Variants in IGBP1C observed in about 807,000 individuals in gnomAD.
IGBP1C encodes the protein IGBP1 family member C.
At chr17:58,673,749 T>C in the IGBP1C span, among the ~76,000 whole-genome samples, 1 of 151,770 alleles carries the variant, frequency 6.6e-6, no homozygotes. Context: ...CTTTTTTTTG[T>C]TTTTCTACAG....
At chr17:58,690,323 T>C in the IGBP1C span, among the ~76,000 whole-genome samples, 2 of 152,154 alleles carry the variant, frequency 1.3e-5, no homozygotes, top group South Asian at 2.1e-4. Flanking sequence ...TGTACCACCA[T>C]GCTGGCTAAT....
chr17:58,671,741 T>C, the IGBP1C span, among the ~76,000 whole-genome samples: 3 of 152,176 alleles, frequency 2.0e-5, no homozygotes, highest in East Asian at 5.8e-4. Context: ...TTTTAAAAAC[T>C]CGTTTTCTTG....
the IGBP1C span, chr17:58,666,400 A>C: frequency 1.4e-5 from 2 of 143,026 alleles, no homozygotes; most frequent in African/African-American, 5.1e-5. Context: ...TGAGCGCATG[A>C]ATTCGGATGC....
the IGBP1C span, among the ~76,000 whole-genome samples, chr17:58,670,679 A>T: frequency 6.8e-6 from 1 of 146,678 alleles, no homozygotes; most frequent in Admixed American, 7.0e-5. Context: ...AGGCTGAGGC[A>T]GGATAATTGC....
chr17:58,689,353 T>C, the IGBP1C span, among the ~76,000 whole-genome samples: 122 of 152,126 alleles, frequency 8.0e-4, no homozygotes, highest in Non-Finnish European at 1.1e-3. Context: ...CCTAAGTAGC[T>C]GGGACTATAG....
At chr17:58,687,353 AC>A in the IGBP1C span, among the ~76,000 whole-genome samples, 1 of 151,994 alleles carries the variant, frequency 6.6e-6, no homozygotes, top group African/African-American at 2.4e-5. Flanking sequence ...GAGGCAAGGT[AC>A]CCCCTGACCC....
the IGBP1C span, among the ~76,000 whole-genome samples, chr17:58,684,370 G>A: frequency 1.3e-5 from 2 of 151,600 alleles, no homozygotes; most frequent in Non-Finnish European, 2.9e-5. Flanking sequence ...GCTGATACAG[G>A]AGAATCGCTT....
chr17:58,680,021 G>A, the IGBP1C span, among the ~76,000 whole-genome samples: 4 of 152,046 alleles, frequency 2.6e-5, no homozygotes, highest in Admixed American at 6.6e-5. Flanking sequence ...GGTAAATAAC[G>A]TAAACTAGCT....
the IGBP1C span, among the ~76,000 whole-genome samples, chr17:58,672,346 G>A: frequency 8.5e-5 from 13 of 152,244 alleles, no homozygotes; most frequent in African/African-American, 3.1e-4. Flanking sequence ...CCCCAGCACT[G>A]CTGGAGAAAA....
chr17:58,675,929 A>G, the IGBP1C span, among the ~76,000 whole-genome samples: 1 of 152,134 alleles, frequency 6.6e-6, no homozygotes, highest in Non-Finnish European at 1.5e-5. Flanking sequence ...AGTAGTATGT[A>G]AGCTTTTCCC....
the IGBP1C span, chr17:58,661,726 C>T: frequency 1.2e-5 from 7 of 569,882 alleles, no homozygotes; most frequent in Admixed American, 6.7e-5. Flanking sequence ...GAGGCGGTGG[C>T]GTTGGGGGCG....
At chr17:58,674,872 C>T in the IGBP1C span, among the ~76,000 whole-genome samples, 1 of 148,466 alleles carries the variant, frequency 6.7e-6, no homozygotes, top group Non-Finnish European at 1.5e-5. Flanking sequence ...AGGCCGGGCA[C>T]GGTGGCTCAC....
At chr17:58,671,003 A>G in the IGBP1C span, among the ~76,000 whole-genome samples, 2 of 152,094 alleles carry the variant, frequency 1.3e-5, no homozygotes, top group African/African-American at 4.8e-5. Flanking sequence ...ATGTCCAAAT[A>G]TTGCTTCCAC....
chr17:58,682,996 T>C, the IGBP1C span, among the ~76,000 whole-genome samples: 6 of 147,140 alleles, frequency 4.1e-5, no homozygotes, highest in East Asian at 6.0e-4. Flanking sequence ...AAGGTTGCAA[T>C]GTGTCGAGAT....
chr17:58,682,217 G>A, the IGBP1C span, among the ~76,000 whole-genome samples: 1 of 151,508 alleles, frequency 6.6e-6, no homozygotes, highest in South Asian at 2.1e-4. Context: ...CCAGACAGTT[G>A]GGATTAGAGG....
At chr17:58,663,124 GAA>G in the IGBP1C span, among the ~76,000 whole-genome samples, 1 of 115,636 alleles carries the variant, frequency 8.6e-6, no homozygotes, top group Non-Finnish European at 1.9e-5. Flanking sequence ...AAAAAAAAAA[GAA>G]AAGTCATTAA....
At chr17:58,662,413 TCTCACACA>T in the IGBP1C span, among the ~76,000 whole-genome samples, 29,652 of 127,632 alleles carry the variant, frequency 0.23, 3,684 homozygotes, top group Middle Eastern at 0.42. Flanking sequence ...AGCACACATA[TCTCACACA>T]CACACACACA....
the IGBP1C span, among the ~76,000 whole-genome samples, chr17:58,670,777 A>C: frequency 1.3e-5 from 2 of 148,686 alleles, no homozygotes; most frequent in Admixed American, 6.7e-5. Flanking sequence ...CCTCTTAAAA[A>C]AAAAAAAAAA....
the IGBP1C span, among the ~76,000 whole-genome samples, chr17:58,689,246 G>C: frequency 6.6e-6 from 1 of 150,452 alleles, no homozygotes; most frequent in Non-Finnish European, 1.5e-5. Context: ...ATTTTTAGAG[G>C]GAGTCTCTCT....
Sources: gnomAD v4.1 joint callset for allele counts (sites outside exome capture counted in the v4.1 genomes callset) on GRCh38, gnomAD v4.1.1 for gene constraint, MANE v1.5 for transcripts, NCBI Gene and HGNC (gene_info 2026-07-23, HGNC 2026-07-21) for gene names.